SOX5: variants seen among roughly 807,000 people sequenced by gnomAD.
SOX5 encodes the protein SRY-box transcription factor 5, also known as transcription factor SOX-5.
A neutral mutation model predicts 92.0 loss-of-function variants in SOX5; 9 were observed. The observed-to-expected ratio is 0.10, with a 90% CI of 0.06 to 0.17. The LOEUF is 0.17. Ranked by LOEUF, SOX5 falls within the 10% of genes least tolerant of loss-of-function variation. The probability of loss-of-function intolerance (pLI) is 1.00; values close to 1 mark genes in which losing one functional copy is unlikely to be tolerated. For missense variants in SOX5, 642 were observed against 944.5 expected (o/e 0.68, Z 4.20); for synonymous variants, 344 against 336.3 (o/e 1.02, Z -0.25).
At chr12:23,968,003 A>G (rs1947791061) in intron 4 of SOX5, among the ~76,000 whole-genome samples, 1 of 152,178 alleles carries the variant, frequency 6.6e-6, no homozygotes, top group African/African-American at 2.4e-5. Flanking sequence ...TCTTCTACCA[A>G]CCCTTTGAGG....
At chr12:23,989,908 A>G (rs768872679) in intron 4 of SOX5, among the ~76,000 whole-genome samples, 1 of 152,174 alleles carries the variant, frequency 6.6e-6, no homozygotes, top group Non-Finnish European at 1.5e-5. Flanking sequence ...TTAAAATACA[A>G]TCAGAAGTAC....
intron 4 of SOX5, among the ~76,000 whole-genome samples, chr12:24,157,192 T>A (rs1357668221): frequency 2.6e-5 from 4 of 152,130 alleles, no homozygotes; most frequent in African/African-American, 9.6e-5. Flanking sequence ...TTCCTATACA[T>A]AGTTAAGCAT....
At chr12:23,615,806 T>G (rs1450696055) in intron 8 of SOX5, among the ~76,000 whole-genome samples, 1 of 152,228 alleles carries the variant, frequency 6.6e-6, no homozygotes, top group Non-Finnish European at 1.5e-5. Flanking sequence ...ATTTTACAAA[T>G]TGAGCTGCCT....
At chr12:24,078,438 G>A (rs1181321601) in intron 4 of SOX5, among the ~76,000 whole-genome samples, 2 of 152,108 alleles carry the variant, frequency 1.3e-5, no homozygotes, top group Admixed American at 1.3e-4. Context: ...TAGAGTGAAG[G>A]CTGGAAAGCT....
chr12:23,618,400 A>G (rs552747595), intron 8 of SOX5, among the ~76,000 whole-genome samples: 173 of 152,264 alleles, frequency 1.1e-3, no homozygotes, highest in African/African-American at 4.0e-3. Context: ...GTATCCCAAC[A>G]GATTGGGGGG....
chr12:23,638,406 T>G (rs932657861), intron 8 of SOX5: 12 of 152,198 alleles, frequency 7.9e-5, no homozygotes, highest in African/African-American at 2.7e-4. Context: ...TGGAAAGTGA[T>G]GCAGTCTACT....
chr12:24,316,287 T>C (rs761762030), intron 2 of SOX5, among the ~76,000 whole-genome samples: 1 of 152,136 alleles, frequency 6.6e-6, no homozygotes, highest in Non-Finnish European at 1.5e-5. Context: ...TGACACCCAG[T>C]CACACTTTCT....
At chr12:23,600,139 T>A (rs1285996957) in intron 9 of SOX5, among the ~76,000 whole-genome samples, 1 of 152,174 alleles carries the variant, frequency 6.6e-6, no homozygotes, top group South Asian at 2.1e-4. Context: ...AATACCTCAA[T>A]TAAATAATTT....
intron 2 of SOX5, among the ~76,000 whole-genome samples, chr12:24,342,367 A>T (rs1055842742): frequency 6.6e-6 from 1 of 152,198 alleles, no homozygotes; most frequent in African/African-American, 2.4e-5. Context: ...TGAGATCCAG[A>T]ACTAATATAC....
At chr12:24,433,603 C>G (rs992787059) in intron 1 of SOX5, among the ~76,000 whole-genome samples, 4 of 152,150 alleles carry the variant, frequency 2.6e-5, no homozygotes, top group African/African-American at 9.7e-5. Flanking sequence ...GCAGTAGGAA[C>G]TAAAGTCTAT....
intron 2 of SOX5, among the ~76,000 whole-genome samples, chr12:24,339,785 CAA>C (rs1056507121): frequency 2.0e-5 from 3 of 152,208 alleles, no homozygotes; most frequent in South Asian, 4.1e-4. Context: ...GCGTGTGCCA[CAA>C]AAGTTCCCCT....
intron 7 of SOX5, among the ~76,000 whole-genome samples, chr12:23,646,627 C>T (rs2080885203): frequency 1.3e-5 from 2 of 152,204 alleles, no homozygotes; most frequent in African/African-American, 4.8e-5. Flanking sequence ...ACTGCTTCAT[C>T]AACTAAGTTT....
chr12:24,339,472 T>G (rs1181769558), intron 2 of SOX5, among the ~76,000 whole-genome samples: 1 of 152,120 alleles, frequency 6.6e-6, no homozygotes, highest in Non-Finnish European at 1.5e-5. Flanking sequence ...TGGCATGATA[T>G]GAGGTCACAG....
At chr12:23,986,076 C>A (rs755129713) in intron 4 of SOX5, among the ~76,000 whole-genome samples, 16 of 151,984 alleles carry the variant, frequency 1.1e-4, no homozygotes, top group Non-Finnish European at 2.1e-4. Context: ...TGATTAGCAA[C>A]CTTAATTTCA....
At chr12:23,885,026 C>G (rs2097047966) in intron 2 of SOX5, among the ~76,000 whole-genome samples, 2 of 152,118 alleles carry the variant, frequency 1.3e-5, no homozygotes, top group South Asian at 4.1e-4. Context: ...CTGGGGAAAT[C>G]AGAATCTCAG....
rs992258535 is a variant in SOX5 at position 24,245,235 on chromosome 12, T to G, written c.-76-31818A>C. On this transcript the variant is annotated intron_variant, in intron 3 of 4. Coordinates refer to the SOX5 transcript ENST00000446891. ...GAGCATCATTTGTGTTTGGAGAGAT[T>G]TGTGTGTGTGTGTGTGTGTGTGTGT... Among the ~76,000 whole-genome samples the G allele has an allele frequency of 8.3e-5, 12 of 144,274 alleles. No individual in the cohort carries two copies. The East Asian group carries it at 2.3e-3, about 27-fold the overall frequency. The allele number at this position is 144,274 out of a possible 152,430, so 94.6% of individuals were successfully genotyped here. A position where few individuals can be genotyped will look rare whatever the true frequency, so the allele number is the denominator to read the frequency against.
Position 23,872,164 on chromosome 12 carries a change from A to ATTTTTTTTTTTTTTT in SOX5, c.270+23614_270+23628dup, listed in dbSNP as rs71059938. ...AGGCGCCCGCCACCACGCCCGGCTA[A>ATTTTTTTTTTTTTTT]TTTTTTTTTTTTTTTTTTTTTTTTT... On this transcript the variant is annotated intron_variant, in intron 2 of 14. Coordinates refer to ENST00000451604, the MANE Select transcript of SOX5 (RefSeq NM_006940.6). Among the ~76,000 whole-genome samples the ATTTTTTTTTTTTTTT allele has an allele frequency of 7.8e-4, 48 of 61,644 alleles. 3 individuals are homozygous for ATTTTTTTTTTTTTTT. The highest frequency in any genetic ancestry group is 1.4e-3 in the East Asian group (3 of 2,166). 40.4% of individuals were successfully genotyped at this position (61,644 alleles called of 152,430 possible). A position where few individuals can be genotyped will look rare whatever the true frequency, so the allele number is the denominator to read the frequency against.
At chr12:23,896,367 T>C (rs974267319) in intron 1 of SOX5, among the ~76,000 whole-genome samples, 4 of 152,194 alleles carry the variant, frequency 2.6e-5, no homozygotes, top group Non-Finnish European at 5.9e-5. Context: ...CTGATAGACC[T>C]TATTGAAGAC....
intron 6 of SOX5, among the ~76,000 whole-genome samples, chr12:23,725,089 G>A (rs893723408): frequency 2.6e-5 from 4 of 152,132 alleles, no homozygotes; most frequent in South Asian, 2.1e-4. Flanking sequence ...CTAGGTATTC[G>A]CCACAGAAAA....
Sources: gnomAD v4.1 joint callset for allele counts (sites outside exome capture counted in the v4.1 genomes callset) on GRCh38, gnomAD v4.1.1 for gene constraint, MANE v1.5 for transcripts, NCBI Gene and HGNC (gene_info 2026-07-23, HGNC 2026-07-21) for gene names.